The following XKR6 variants were observed in gnomAD, a reference collection of about 807,000 sequenced individuals.
XKR6 encodes XK related 6.
A neutral mutation model predicts 56.7 loss-of-function variants in XKR6; 22 were observed. That is an observed-to-expected ratio of 0.39 (90% confidence interval 0.28 to 0.55). XKR6 has a LOEUF of 0.55. Among genes scored for constraint, XKR6 ranks in the 20% least tolerant of loss-of-function variants. The pLI is 0.66. For synonymous variants in XKR6, 524 were observed against 387.8 expected (o/e 1.35, Z -4.13); for missense variants, 852 against 889.0 (o/e 0.96, Z 0.53).
intron 1 of XKR6, chr8:11,124,154 T>C (rs1225516131): frequency 5.3e-6 from 2 of 374,202 alleles, no homozygotes; most frequent in Non-Finnish European, 1.1e-5. Flanking sequence ...TACTGGCATT[T>C]ACATATGAAA....
intron 1 of XKR6, among the ~76,000 whole-genome samples, chr8:10,936,287 T>C (rs887209978): frequency 2.0e-5 from 3 of 148,958 alleles, no homozygotes; most frequent in East Asian, 2.0e-4. Context: ...TTTGAGCCTA[T>C]GTGTGTCTCT....
At chr8:11,006,606 G>T (rs181715316) in intron 1 of XKR6, among the ~76,000 whole-genome samples, 1 of 152,300 alleles carries the variant, frequency 6.6e-6, no homozygotes, top group East Asian at 1.9e-4. Flanking sequence ...TGCATTGCTG[G>T]TGTCTGCAGA....
chr8:11,011,386 G>A (rs1026962057), intron 1 of XKR6, among the ~76,000 whole-genome samples: 8 of 152,362 alleles, frequency 5.3e-5, no homozygotes, highest in South Asian at 4.1e-4. Context: ...GTCACCAGAA[G>A]GGTACAGGTA....
intron 1 of XKR6, among the ~76,000 whole-genome samples, chr8:10,945,582 A>G (rs1475295482): frequency 1.3e-5 from 2 of 152,228 alleles, no homozygotes; most frequent in Non-Finnish European, 2.9e-5. Flanking sequence ...AAGCTCCCAG[A>G]AGGACAGAGA....
chr8:11,113,595 C>T (rs1214385587), intron 1 of XKR6, among the ~76,000 whole-genome samples: 1 of 152,086 alleles, frequency 6.6e-6, no homozygotes, highest in Non-Finnish European at 1.5e-5. Context: ...TGGCAAGAAT[C>T]CTTACTTTCT....
intron 1 of XKR6, among the ~76,000 whole-genome samples, chr8:11,119,143 T>C (rs1341901134): frequency 6.6e-6 from 1 of 152,160 alleles, no homozygotes; most frequent in Non-Finnish European, 1.5e-5. Context: ...TAATCCTGAG[T>C]TCTAGTTTGT....
chr8:11,121,917 C>T (rs1799477440), intron 1 of XKR6, among the ~76,000 whole-genome samples: 1 of 152,202 alleles, frequency 6.6e-6, no homozygotes, highest in Non-Finnish European at 1.5e-5. Context: ...CCATCATTCT[C>T]AGCAAACTAT....
chr8:11,102,665 G>A (rs544626388), intron 1 of XKR6, among the ~76,000 whole-genome samples: 4 of 152,114 alleles, frequency 2.6e-5, no homozygotes, highest in Non-Finnish European at 5.9e-5. Context: ...AAACAGTTTC[G>A]TGCCACTGAA....
chr8:11,098,409 T>C (rs1468633893), intron 1 of XKR6, among the ~76,000 whole-genome samples: 1 of 152,156 alleles, frequency 6.6e-6, no homozygotes, highest in Non-Finnish European at 1.5e-5. Context: ...TGAGGTCCTA[T>C]TTTTAGCAGT....
intron 1 of XKR6, among the ~76,000 whole-genome samples, chr8:10,975,528 C>T (rs561800604): frequency 5.6e-4 from 86 of 152,222 alleles, no homozygotes; most frequent in Admixed American, 2.4e-3. Flanking sequence ...CCTGGGCACA[C>T]GGCTGAAAGA....
rs571863322 is a variant in XKR6, at chr8:11,195,874, G to T, written c.764+4702C>A. ...TCACCATGTTAGCCAGGATGGTCGC[G>T]ATCTCCTGACCTCATGATCCGCCAC... On this transcript the variant is annotated intron_variant, in intron 1 of 2. Transcript: ENST00000416569. Among the ~76,000 whole-genome samples, 3 of 149,472 alleles carry T rather than the reference G, an allele frequency of 2.0e-5. No individual in the cohort carries two copies. The South Asian group carries it at 6.3e-4, about 31-fold the overall frequency.
At chr8:11,145,579 C>T (rs1800940182) in intron 1 of XKR6, among the ~76,000 whole-genome samples, 1 of 151,984 alleles carries the variant, frequency 6.6e-6, no homozygotes, top group African/African-American at 2.4e-5. Context: ...AATAAACTAA[C>T]AAAAATAGAA....
At chr8:10,981,454 T>C (rs1687407148) in intron 1 of XKR6, among the ~76,000 whole-genome samples, 1 of 152,196 alleles carries the variant, frequency 6.6e-6, no homozygotes, top group South Asian at 2.1e-4. Context: ...GAGGACGAGC[T>C]TTGGAAAGAG....
At chr8:10,963,771 T>C (rs1269219390) in intron 1 of XKR6, among the ~76,000 whole-genome samples, 3 of 151,772 alleles carry the variant, frequency 2.0e-5, no homozygotes, top group African/African-American at 7.3e-5. Context: ...CTTGAACCCC[T>C]GGATTCAAGC....
At chr8:10,947,831 A>C (rs555025843) in intron 1 of XKR6, among the ~76,000 whole-genome samples, 1 of 152,330 alleles carries the variant, frequency 6.6e-6, no homozygotes, top group African/African-American at 2.4e-5. Context: ...TCTGGGAGCC[A>C]GGAGGGCTTT....
chr8:11,101,028 C>G (rs117494315), intron 1 of XKR6, among the ~76,000 whole-genome samples: 1 of 152,182 alleles, frequency 6.6e-6, no homozygotes, highest in Non-Finnish European at 1.5e-5. Flanking sequence ...CCACGCACAT[C>G]GGACGAAAGA....
chr8:10,997,021 C>A (rs2129141928), intron 1 of XKR6, among the ~76,000 whole-genome samples: 1 of 152,240 alleles, frequency 6.6e-6, no homozygotes, highest in African/African-American at 2.4e-5. Context: ...AACTCTGCCC[C>A]TCTCCCACAT....
chr8:11,049,915 C>T (rs942971182), intron 1 of XKR6, among the ~76,000 whole-genome samples: 5 of 152,154 alleles, frequency 3.3e-5, no homozygotes, highest in African/African-American at 1.2e-4. Flanking sequence ...AAGGACATTT[C>T]CCCCTTCTGT....
chr8:11,063,516 CAAAAA>C (rs35995429), intron 1 of XKR6, among the ~76,000 whole-genome samples: 1 of 120,736 alleles, frequency 8.3e-6, no homozygotes, highest in African/African-American at 3.0e-5. Flanking sequence ...GGCCCTGTCT[CAAAAA>C]AAAAAAAAAA....
Sources: gnomAD v4.1 joint callset for allele counts (sites outside exome capture counted in the v4.1 genomes callset) on GRCh38, gnomAD v4.1.1 for gene constraint, MANE v1.5 for transcripts, NCBI Gene and HGNC (gene_info 2026-07-23, HGNC 2026-07-21) for gene names.